PIGO: variants seen among roughly 807,000 people sequenced by gnomAD.
PIGO encodes the protein phosphatidylinositol glycan anchor biosynthesis class O, also known as GPI ethanolamine phosphate transferase 3, catalytic subunit.
Under a neutral mutation model 86.9 loss-of-function variants are expected in PIGO, and 66 were observed. The ratio of observed to expected loss-of-function variants is 0.76; its 90% CI spans 0.62 to 0.93. PIGO has a LOEUF of 0.93. Ranked by LOEUF, PIGO falls within the 40% of genes least tolerant of loss-of-function variation. The pLI is 0.00. For missense variants in PIGO, 1,202 were observed against 1,359.1 expected (o/e 0.88, Z 1.82); for synonymous variants, 570 against 556.4 (o/e 1.02, Z -0.34).
rs974041620 is a variant in PIGO, at chr9:35,090,072, A to G, written c.3063T>C (p.Gly1021=). 3.7e-6 allele frequency: 6 copies of G among 1,613,206 alleles called. No homozygotes were observed. The highest frequency in any genetic ancestry group is 1.3e-5 in the African/African-American group (1 of 74,928). ...QLGLKYLFIL[G]IQILACALAA... ...ATCTCTCTCCTACACCCACCTGAAT[A>G]CCAAGGATAAAGAGGTACTTGAGGC... Residue 1021 remains glycine (G), a synonymous_variant, in exon 9 of 11, where the codon GGT becomes GGC. Transcript: ENST00000378617.
intron 10 of PIGO, 27 bp downstream of exon 10, chr9:35,089,353 C>G (rs1371960662): frequency 1.2e-6 from 2 of 1,614,098 alleles, no homozygotes; most frequent in African/African-American, 1.3e-5. Context: ...TCCCCACCAC[C>G]TCTACTTCTC....
chr9:35,095,123 T>A lies in PIGO; in HGVS notation c.443A>T (p.Asp148Val). 3 of 1,613,952 alleles carry A rather than the reference T, an allele frequency of 1.9e-6. No homozygotes were observed. The highest frequency in any genetic ancestry group is 2.5e-6 in the Non-Finnish European group (3 of 1,179,962). The change falls in exon 2 of 11, where the codon GAT (aspartate) becomes GTT (valine). Residue 148 changes from aspartate to valine, a missense_variant. Asp to Val is a radical substitution (Grantham distance 152, BLOSUM62 -3). Transcript: ENST00000378617. ...LTTGSLPTFIDAGSNFASHAI... is the reference protein window; with the variant it reads ...LTTGSLPTFIVAGSNFASHAI... Reference sequence around the variant, plus strand: ...GTGGCTGGCGAAGTTACTACCAGCATCAATAAAGGTAGGCAGTGAGCCAGT... The same window carrying A: ...GTGGCTGGCGAAGTTACTACCAGCAACAATAAAGGTAGGCAGTGAGCCAGT...
Position 35,092,760 on chromosome 9 carries a change from C to T in PIGO, c.1127G>A (p.Arg376Gln), listed in dbSNP as rs768552303. ...AGCAGCTGAGTAGGTATGAAGAAAT[C>T]GGGACACCTGGCAGAGAAAAGGTCA... ...ALHLNAQQVSRFLHTYSAATQ... is the reference protein window; with the variant it reads ...ALHLNAQQVSQFLHTYSAATQ... The change falls in exon 7 of 11, where the codon CGA (arginine) becomes CAA (glutamine). Residue 376 changes from arginine (R) to glutamine (Q), a missense_variant. Transcript: ENST00000378617. The T allele has an allele frequency of 1.9e-5, 31 of 1,603,288 alleles. No homozygotes were observed. The highest frequency in any genetic ancestry group is 1.1e-4 in the East Asian group (5 of 44,830).
In PIGO at chr9:35,092,131, C is replaced by T. The variant is rs1243165755; in HGVS notation, c.1756G>A (p.Val586Ile). Reference protein sequence around the residue: ...LLGSFILLLVVQLHWEGQLLP... With the variant: ...LLGSFILLLVIQLHWEGQLLP... ...AGCTGGCCCTCCCAGTGAAGCTGGA[C>T]AACCAGGAGCAGGATGAATGAGCCC... The change falls in exon 7 of 11, where the codon GTC (valine) becomes ATC (isoleucine). Residue 586 changes from valine (V) to isoleucine (I), a missense_variant. Val to Ile is a conservative substitution (Grantham distance 29, BLOSUM62 3). Transcript: ENST00000378617. 2 of 1,614,112 alleles carry T rather than the reference C, an allele frequency of 1.2e-6. No individual in the cohort carries two copies. Among genetic ancestry groups the T allele is most frequent in the Non-Finnish European group, 1.7e-6 (2 of 1,180,054 alleles).
At position 35,091,963 on chromosome 9, in the gene PIGO, G is replaced by A. The variant is rs1475925267; in HGVS notation, c.1924C>T (p.Pro642Ser). Reference protein sequence around the residue: ...TRLAGLFHRCPEETPVCHSSP... With the variant: ...TRLAGLFHRCSEETPVCHSSP... ...GAGTGGCAAACAGGTGTCTCTTCAG[G>A]GCAACGATGAAAAAGCCCAGCTAGC... Residue 642 changes from proline to serine, a missense_variant, in exon 7 of 11, where the codon CCT (proline) becomes TCT (serine). Coordinates refer to ENST00000378617, the MANE Select transcript of PIGO (RefSeq NM_032634.4). 1 of 1,614,158 alleles carries A rather than the reference G, an allele frequency of 6.2e-7. No homozygotes were observed. Among genetic ancestry groups the A allele is most frequent in the East Asian group, 2.2e-5 (1 of 44,872 alleles).
intron 1 of PIGO, 151 bp from the exon 2 acceptor site, chr9:35,095,717 C>G (rs1339448374): frequency 4.1e-5 from 43 of 1,049,518 alleles, no homozygotes; most frequent in South Asian, 9.0e-5. Context: ...CAATATTACT[C>G]TCCTCCTATT....
Position 35,088,873 on chromosome 9 carries a change from C to A in PIGO, c.*219G>T, listed in dbSNP as rs546029434. The A allele has an allele frequency of 1.7e-6, 1 of 590,290 alleles. No individual in the cohort carries two copies. The allele number at this position is 590,290 out of a possible 1,614,324, so 36.6% of individuals were successfully genotyped here. ...TTTATTCCACTTCGGAGACCGCCCC[C>A]CTTGTCCCTCAGATGCATCCAAATC... On this transcript the variant is annotated 3_prime_UTR_variant, in exon 11 of 11. Coordinates refer to ENST00000378617, the MANE Select transcript of PIGO (RefSeq NM_032634.4).
Position 35,090,154 on chromosome 9 carries a change from A to T in PIGO, c.2981T>A (p.Met994Lys), listed in dbSNP as rs147155365. 1 of 1,614,144 alleles carries T rather than the reference A, an allele frequency of 6.2e-7. No homozygotes were observed. Among genetic ancestry groups the T allele is most frequent in the African/African-American group, 1.3e-5 (1 of 74,944 alleles). The part of the protein sequence containing the change: ...VRPEEEEEPL[M>K]EMRLRDAPQH... ...AGGCGCATCCCGGAGCCGCATCTCC[A>T]TCAGTGGCTCCTCTTCCTCCTCGGG... The change falls in exon 9 of 11, where the codon ATG (methionine) becomes AAG (lysine). Residue 994 changes from methionine to lysine, a missense_variant. By Grantham distance (95) the Met-to-Lys change is moderately conservative. Coordinates refer to ENST00000378617, the MANE Select transcript of PIGO (RefSeq NM_032634.4).
rs1028388771 is a variant in PIGO at position 35,096,367 on chromosome 9, A to G, written c.-214T>C. 2 of 152,174 alleles carry G rather than the reference A, an allele frequency of 1.3e-5. No homozygotes were observed. The highest frequency in any genetic ancestry group is 4.8e-5 in the African/African-American group (2 of 41,436). 9.4% of individuals were successfully genotyped at this position (152,174 alleles called of 1,614,324 possible). On this transcript the variant is annotated 5_prime_UTR_variant, in exon 1 of 11. Coordinates refer to ENST00000378617, the MANE Select transcript of PIGO (RefSeq NM_032634.4). ...CAAGGAGGCTGGGGCCCGGGTCGAGAGTCGACTGGGCCTCCGCTGGGACCC... is the reference window on the plus strand; with the variant it reads ...CAAGGAGGCTGGGGCCCGGGTCGAGGGTCGACTGGGCCTCCGCTGGGACCC...
chr9:35,094,818 C>A (rs1261868563), intron 2 of PIGO, among the ~76,000 whole-genome samples: 1 of 152,164 alleles, frequency 6.6e-6, no homozygotes, highest in African/African-American at 2.4e-5. Context: ...AAGCCCAGAT[C>A]CCTTCTCCTC....
chr9:35,094,292 A>G lies in PIGO; in HGVS notation c.579T>C (p.Ala193=), dbSNP rs778672240. Residue 193 remains alanine (A), a synonymous_variant, in exon 3 of 11, where the codon GCT becomes GCC. Transcript: ENST00000378617. ...KDLFPGAFSK[A]FFFPSFNVRD... ...TGACATTGAAGGATGGGAAGAAGAA[A>G]GCTTTGGAGAAAGCACCAGGGAAAA... The G allele has an allele frequency of 2.5e-6, 4 of 1,608,072 alleles. No individual in the cohort carries two copies. In the South Asian group the frequency reaches 4.4e-5, roughly 18 times the overall value.
chr9:35,092,386 G>A lies in PIGO; in HGVS notation c.1501C>T (p.Leu501=). The change falls in exon 7 of 11, where the codon CTG becomes TTG. Residue 501 remains leucine (L), a synonymous_variant. Transcript: ENST00000378617. The part of the protein sequence containing the change: ...LVGAIAYAGL[L]GTIELKLDLV... ...TCTAGCTTCAGCTCAATAGTTCCCA[G>A]GAGTCCAGCATACGCTATGGCCCCA... 1.2e-6 allele frequency: 2 copies of A among 1,614,246 alleles called. No individual in the cohort carries two copies. The highest frequency in any genetic ancestry group is 1.7e-6 in the Non-Finnish European group (2 of 1,180,040).
intron 2 of PIGO, 111 bp downstream of exon 2, chr9:35,094,944 C>A (rs1477628936): frequency 3.5e-6 from 5 of 1,416,230 alleles, no homozygotes; most frequent in Non-Finnish European, 2.9e-6. Flanking sequence ...CTCTGTCCCC[C>A]TACACCATAA....
rs371657025 is a variant in PIGO at position 35,093,103 on chromosome 9, G to A, written c.1046C>T (p.Ser349Leu). ...GTGGGGCTGGGAGTCCTCACCCCCT[G>A]AGAATAGCTCAGCCATCACTTCCCC... ...NIGEVMAELF[S>L]GGEDSQPHSS... Residue 349 changes from serine (S) to leucine (L), a missense_variant, in exon 6 of 11, where the codon TCA becomes TTA. Physicochemically the swap from Ser to Leu is moderately radical, Grantham distance 145. Transcript: ENST00000378617. The A allele has an allele frequency of 3.0e-5, 48 of 1,614,052 alleles. No individual in the cohort carries two copies. Among genetic ancestry groups the A allele is most frequent in the Non-Finnish European group, 4.0e-5 (47 of 1,180,022 alleles).
At position 35,094,283 on chromosome 9, in the gene PIGO, G is replaced by A. The variant is rs753452597; in HGVS notation, c.588C>T (p.Phe196=). Residue 196 remains phenylalanine, a synonymous_variant, in exon 3 of 11, where the codon TTC becomes TTT. Transcript: ENST00000378617. ...FPGAFSKAFF[F]PSFNVRDLDT... is the part of the protein sequence containing the mutation. ...CTAGGTCTCTGACATTGAAGGATGG[G>A]AAGAAGAAAGCTTTGGAGAAAGCAC... The A allele has an allele frequency of 6.0e-5, 97 of 1,608,862 alleles. No individual in the cohort carries two copies. Among genetic ancestry groups the A allele is most frequent in the Non-Finnish European group, 8.1e-5 (96 of 1,178,718 alleles).
chr9:35,088,791 C>A lies in PIGO; in HGVS notation c.*301G>T, dbSNP rs1176672053. The A allele has an allele frequency of 7.4e-6, 2 of 269,148 alleles. No individual in the cohort carries two copies. Among genetic ancestry groups the A allele is most frequent in the Non-Finnish European group, 1.4e-5 (2 of 138,520 alleles). 16.7% of individuals were successfully genotyped at this position (269,148 alleles called of 1,614,324 possible). A position where few individuals can be genotyped will look rare whatever the true frequency, so the allele number is the denominator to read the frequency against. On this transcript the variant is annotated 3_prime_UTR_variant, in exon 11 of 11. Transcript: ENST00000378617. ...AACTCCTGGGACCAAGCAATCCTCC[C>A]ACCTCTGCCTCCCAAAGTGCTGGGA...
chr9:35,091,713 G>T lies in PIGO; in HGVS notation c.2174C>A (p.Ala725Glu), dbSNP rs529268753. 2 of 1,612,012 alleles carry T rather than the reference G, an allele frequency of 1.2e-6. No individual in the cohort carries two copies. Among genetic ancestry groups the T allele is most frequent in the South Asian group, 1.1e-5 (1 of 91,080 alleles). ...TAAYWALASG[A>E]DEAPPRLRVL... ...CCGGAGACGGGGGGGAGCCTCATCTGCCCCCGACGCCAATGCCCAGTAGGC... is the reference window on the plus strand; with the variant it reads ...CCGGAGACGGGGGGGAGCCTCATCTTCCCCCGACGCCAATGCCCAGTAGGC... The change falls in exon 7 of 11, where the codon GCA becomes GAA. Residue 725 changes from alanine to glutamate, a missense_variant. By Grantham distance (107) the Ala-to-Glu change is moderately radical. Transcript: ENST00000378617.
At position 35,093,499 on chromosome 9, in the gene PIGO, T is replaced by C. The variant is rs533995130; in HGVS notation, c.861A>G (p.Gly287=). ...CTGAGACCTCCAGCTCACTGTCCCC[T>C]CCATGGTCTCCATTTGTGGTCATCC... The part of the protein sequence containing the change: ...DHGMTTNGDH[G]GDSELEVSAA... Residue 287 remains glycine (G), a synonymous_variant, in exon 5 of 11, where the codon GGA becomes GGG. Transcript: ENST00000378617. 5 of 1,614,098 alleles carry C rather than the reference T, an allele frequency of 3.1e-6. No individual in the cohort carries two copies. The South Asian group carries it at 3.3e-5, about 11-fold the overall frequency.
Position 35,093,028 on chromosome 9 carries a change from A to G in PIGO, c.1119+2T>C, listed in dbSNP as rs1064793230. 2 of 1,602,364 alleles carry G rather than the reference A, an allele frequency of 1.2e-6. No homozygotes were observed. The highest frequency in any genetic ancestry group is 2.7e-5 in the African/African-American group (2 of 74,818). On this transcript the variant is annotated splice_donor_variant, in intron 6 of 10. Transcript: ENST00000378617. LOFTEE classifies it high-confidence loss of function. ...ACCTGGAAACCCAGCCCGCTTACCT[A>G]CCTGCTGAGCATTGAGATGGAGAGC...
Sources: gnomAD v4.1 joint callset for allele counts (sites outside exome capture counted in the v4.1 genomes callset) on GRCh38, gnomAD v4.1.1 for gene constraint, MANE v1.5 for transcripts, NCBI Gene and HGNC (gene_info 2026-07-23, HGNC 2026-07-21) for gene names.